Variants in DENND5B observed in about 807,000 individuals in gnomAD.
DENND5B encodes DENN domain-containing protein 5B.
A neutral mutation model predicts 140.6 loss-of-function variants in DENND5B; 34 were observed. The ratio of observed to expected loss-of-function variants is 0.24; its 90% confidence interval spans 0.18 to 0.32. The LOEUF (loss-of-function observed/expected upper bound fraction) is 0.32, where lower values mean the gene tolerates loss of function less well. DENND5B is among the 10% of genes least tolerant of loss of function. The probability of loss-of-function intolerance (pLI) is 1.00; values close to 1 mark genes in which losing one functional copy is unlikely to be tolerated. For missense variants in DENND5B, 1,142 were observed against 1,560.2 expected, an observed-to-expected ratio of 0.73 and a Z score of 4.52; for synonymous variants, 551 against 562.1, an observed-to-expected ratio of 0.98 and a Z score of 0.28.
intron 5 of DENND5B, 107 bp from the exon 6 acceptor site, chr12:31,447,876 T>C: frequency 1.2e-6 from 1 of 802,132 alleles, no homozygotes; most frequent in African/African-American, 1.7e-5. Context: ...TTAAATCTTA[T>C]AAAACTGACA....
chr12:31,408,724 C>G (rs1302533876), intron 14 of DENND5B, among the ~76,000 whole-genome samples: 1 of 150,238 alleles, frequency 6.7e-6, no homozygotes, highest in Non-Finnish European at 1.5e-5. Context: ...CACACAGATA[C>G]TTTGATTTTA....
intron 16 of DENND5B, among the ~76,000 whole-genome samples, chr12:31,399,392 C>T (rs147014830): frequency 2.0e-5 from 3 of 150,634 alleles, no homozygotes; most frequent in Middle Eastern, 3.4e-3. Context: ...GATTCTCCTG[C>T]CTCAGCCTCC....
chr12:31,399,592 C>G, intron 16 of DENND5B, 62 bp downstream of exon 16: 1 of 1,381,162 alleles, frequency 7.2e-7, no homozygotes, highest in Non-Finnish European at 1.0e-6. Flanking sequence ...AATTCTTAAA[C>G]CTTTTCTTAC....
intron 1 of DENND5B, among the ~76,000 whole-genome samples, chr12:31,535,786 TCACCA>T (rs1476617090): frequency 6.6e-6 from 1 of 152,130 alleles, no homozygotes; most frequent in Non-Finnish European, 1.5e-5. Context: ...AAACATGACC[TCACCA>T]AATGAACTAA....
intron 1 of DENND5B, among the ~76,000 whole-genome samples, chr12:31,544,172 T>G (rs1948776525): frequency 6.6e-6 from 1 of 152,186 alleles, no homozygotes; most frequent in African/African-American, 2.4e-5. Context: ...TCAAAATTAA[T>G]GAATGAATTA....
intron 7 of DENND5B, among the ~76,000 whole-genome samples, chr12:31,434,384 G>A (rs1319240611): frequency 6.6e-6 from 1 of 152,060 alleles, no homozygotes; most frequent in Admixed American, 6.6e-5. Flanking sequence ...CTAAACTGCT[G>A]GTATCGAAAC....
intron 3 of DENND5B, among the ~76,000 whole-genome samples, chr12:31,472,944 T>C (rs1310527406): frequency 1.4e-5 from 2 of 144,626 alleles, no homozygotes; most frequent in South Asian, 4.4e-4. Context: ...TAGTGAAGTC[T>C]TTTTAAAAAA....
At chr12:31,499,951 GCTTA>G (rs1014740583) in intron 1 of DENND5B, among the ~76,000 whole-genome samples, 21 of 152,180 alleles carry the variant, frequency 1.4e-4, no homozygotes, top group African/African-American at 4.3e-4. Context: ...TCTTCTTAAT[GCTTA>G]CTTAAAGAGG....
intron 20 of DENND5B, 99 bp from the exon 21 acceptor site, chr12:31,387,885 A>T: frequency 8.4e-7 from 1 of 1,191,808 alleles, no homozygotes. Context: ...GTGGGACTTG[A>T]TGGTACAAAA....
intron 1 of DENND5B, among the ~76,000 whole-genome samples, chr12:31,508,611 C>T (rs1447646168): frequency 6.6e-6 from 1 of 152,170 alleles, no homozygotes; most frequent in Non-Finnish European, 1.5e-5. Flanking sequence ...TCTCATTATT[C>T]TAACAATTAA....
chr12:31,540,081 CA>C (rs1266866003), intron 1 of DENND5B, among the ~76,000 whole-genome samples: 7 of 152,102 alleles, frequency 4.6e-5, no homozygotes, highest in Admixed American at 4.6e-4. Context: ...AGGCCAATAG[CA>C]AACAATCTAA....
intron 3 of DENND5B, among the ~76,000 whole-genome samples, chr12:31,474,080 A>G (rs1004678060): frequency 7.2e-5 from 11 of 152,226 alleles, no homozygotes; most frequent in Non-Finnish European, 1.5e-5. Flanking sequence ...TTTTTCAAGA[A>G]AACTTTAAGT....
At chr12:31,563,071 G>T (rs1949529278) in intron 1 of DENND5B, among the ~76,000 whole-genome samples, 1 of 152,104 alleles carries the variant, frequency 6.6e-6, no homozygotes, top group South Asian at 2.1e-4. Context: ...TGTTTAAAAG[G>T]TGGCAAATGA....
At chr12:31,533,987 C>G (rs1296809815) in intron 1 of DENND5B, among the ~76,000 whole-genome samples, 1 of 151,586 alleles carries the variant, frequency 6.6e-6, no homozygotes, top group African/African-American at 2.4e-5. Context: ...GTAGAGAAGA[C>G]AGATGACTGC....
intron 3 of DENND5B, among the ~76,000 whole-genome samples, chr12:31,476,675 G>T (rs1176952506): frequency 6.6e-6 from 1 of 152,152 alleles, no homozygotes; most frequent in African/African-American, 2.4e-5. Context: ...AACTACTCGG[G>T]ACGCTGAGAT....
intron 1 of DENND5B, among the ~76,000 whole-genome samples, chr12:31,526,136 A>G (rs1247851171): frequency 6.6e-6 from 1 of 152,196 alleles, no homozygotes; most frequent in Admixed American, 6.5e-5. Flanking sequence ...TGTTAGTTAT[A>G]TATTACCTAT....
Position 31,520,666 on chromosome 12 carries a change from G to A in DENND5B, c.128-24747C>T, listed in dbSNP as rs551413789. Reference sequence around the variant, plus strand: ...AGCGATTCTCCTGCCTCAGCCTCCCGACTAGCTGGGACTACAGGTGTGTGC... The same window carrying A: ...AGCGATTCTCCTGCCTCAGCCTCCCAACTAGCTGGGACTACAGGTGTGTGC... On this transcript the variant is annotated intron_variant, in intron 1 of 20. Coordinates refer to ENST00000389082, the MANE Select transcript of DENND5B (RefSeq NM_144973.4). 1.0e-3 allele frequency among the ~76,000 whole-genome samples: 159 copies of A among 151,942 alleles called. 1 individual carries two copies. Among genetic ancestry groups the A allele is most frequent in the South Asian group, 2.9e-3 (14 of 4,812 alleles).
At chr12:31,556,836 A>G (rs1385172076) in intron 1 of DENND5B, among the ~76,000 whole-genome samples, 1 of 152,226 alleles carries the variant, frequency 6.6e-6, no homozygotes, top group Non-Finnish European at 1.5e-5. Flanking sequence ...AATTGGCAAT[A>G]TGATTAAAAA....
Position 31,421,827 on chromosome 12 carries a change from C to T in DENND5B, c.2470+1770G>A, listed in dbSNP as rs184023916. 1.5e-3 allele frequency among the ~76,000 whole-genome samples: 221 copies of T among 152,320 alleles called. 3 individuals are homozygous for T. The highest frequency in any genetic ancestry group is 5.1e-3 in the African/African-American group (211 of 41,564). Reference sequence around the variant, plus strand: ...TTGCCCTCCCAAAGTGTTGGGATTACAGGCGTTGAGTCAACATGCCTGGCC... The same window carrying T: ...TTGCCCTCCCAAAGTGTTGGGATTATAGGCGTTGAGTCAACATGCCTGGCC... On this transcript the variant is annotated intron_variant, in intron 11 of 20. Transcript: ENST00000389082.
Sources: gnomAD v4.1 joint callset for allele counts (sites outside exome capture counted in the v4.1 genomes callset) on GRCh38, gnomAD v4.1.1 for gene constraint, MANE v1.5 for transcripts, NCBI Gene and HGNC (gene_info 2026-07-23, HGNC 2026-07-21) for gene names.